NHLRC2: variants seen among roughly 807,000 people sequenced by gnomAD.
NHLRC2 encodes NHL repeat-containing protein 2.
In NHLRC2, 33 loss-of-function variants were observed where a neutral mutation model predicts 68.1. The observed-to-expected ratio is 0.48, with a 90% CI of 0.37 to 0.65. The LOEUF is 0.65. NHLRC2 is among the 30% of genes least tolerant of loss of function. The probability of loss-of-function intolerance (pLI) is 0.00; values close to 1 mark genes in which losing one functional copy is unlikely to be tolerated. For synonymous variants in NHLRC2, 311 were observed against 309.6 expected, an observed-to-expected ratio of 1.00 and a Z score of -0.05; for missense variants, 761 against 853.8, an observed-to-expected ratio of 0.89 and a Z score of 1.35.
At chr10:113,892,692 T>A (rs1846143454) in intron 5 of NHLRC2, among the ~76,000 whole-genome samples, 1 of 152,022 alleles carries the variant, frequency 6.6e-6, no homozygotes, top group Non-Finnish European at 1.5e-5. Flanking sequence ...AACAAACTCT[T>A]CAGTGCTCAG....
At chr10:113,903,434 A>G in intron 8 of NHLRC2, 93 bp from the exon 9 acceptor site, 3 of 763,602 alleles carry the variant, frequency 3.9e-6, no homozygotes, top group Non-Finnish European at 6.8e-6. Flanking sequence ...ATTAATGGCA[A>G]TCAGAAATTA....
chr10:113,895,003 AG>A (rs2134728488), intron 5 of NHLRC2, among the ~76,000 whole-genome samples: 1 of 152,346 alleles, frequency 6.6e-6, no homozygotes, highest in South Asian at 2.1e-4. Flanking sequence ...AAAATAGTGT[AG>A]TCATTATGTA....
chr10:113,900,936 A>G (rs916102898), intron 6 of NHLRC2, among the ~76,000 whole-genome samples: 7 of 152,094 alleles, frequency 4.6e-5, no homozygotes, highest in Non-Finnish European at 1.0e-4. Context: ...ACACACTACC[A>G]TGTCTTTTTT....
chr10:113,900,052 A>T lies in NHLRC2; in HGVS notation c.1140-1614A>T, dbSNP rs370979295. Among the ~76,000 whole-genome samples the T allele has an allele frequency of 5.3e-5, 8 of 152,126 alleles. No homozygotes were observed. In the South Asian group the frequency reaches 8.3e-4, roughly 16 times the overall value. On this transcript the variant is annotated intron_variant, in intron 6 of 10. Transcript: ENST00000369301. Reference sequence around the variant, plus strand: ...CCTGATAAGAGTATAGGAGTTAGGGAGAGTGGAAAGTTTTCCAGGCAAGAA... The same window carrying T: ...CCTGATAAGAGTATAGGAGTTAGGGTGAGTGGAAAGTTTTCCAGGCAAGAA...
chr10:113,870,384 G>C (rs1359850623), intron 2 of NHLRC2, among the ~76,000 whole-genome samples: 1 of 151,864 alleles, frequency 6.6e-6, no homozygotes, highest in Non-Finnish European at 1.5e-5. Context: ...TAAAACAAAA[G>C]GTGACATACT....
chr10:113,871,482 A>G (rs1221532428), intron 2 of NHLRC2, among the ~76,000 whole-genome samples: 1 of 152,094 alleles, frequency 6.6e-6, no homozygotes, highest in Non-Finnish European at 1.5e-5. Flanking sequence ...ACCTCAATTT[A>G]TTGTTAAACA....
intron 2 of NHLRC2, among the ~76,000 whole-genome samples, chr10:113,866,016 C>G (rs1233280767): frequency 6.6e-6 from 1 of 152,192 alleles, no homozygotes; most frequent in Non-Finnish European, 1.5e-5. Context: ...AAATGTTCTG[C>G]TCATTTTACC....
chr10:113,859,401 A>G (rs760889938), intron 2 of NHLRC2, among the ~76,000 whole-genome samples: 19 of 152,186 alleles, frequency 1.2e-4, no homozygotes, highest in Admixed American at 2.0e-4. Flanking sequence ...AGTGGATAAA[A>G]AAAAGAGATA....
chr10:113,870,987 A>G (rs1845918055), intron 2 of NHLRC2, among the ~76,000 whole-genome samples: 2 of 137,342 alleles, frequency 1.5e-5, no homozygotes, highest in Admixed American at 1.4e-4. Context: ...ACTGATTTCC[A>G]TGTGTTAATT....
At chr10:113,875,076 C>T (rs1845965592) in intron 2 of NHLRC2, among the ~76,000 whole-genome samples, 3 of 151,262 alleles carry the variant, frequency 2.0e-5, no homozygotes, top group Non-Finnish European at 2.9e-5. Context: ...TGATAACTGA[C>T]CATATTTCCT....
chr10:113,891,440 A>C (rs1468714841), intron 5 of NHLRC2, among the ~76,000 whole-genome samples: 1 of 152,178 alleles, frequency 6.6e-6, no homozygotes, highest in Non-Finnish European at 1.5e-5. Context: ...TCTTGTATAA[A>C]ACAATAGAGG....
Position 113,854,809 on chromosome 10 carries a change from T to C in NHLRC2, c.-64T>C, listed in dbSNP as rs184399341. 1.4e-6 allele frequency: 2 copies of C among 1,405,514 alleles called. No individual in the cohort carries two copies. The highest frequency in any genetic ancestry group is 4.8e-5 in the Admixed American group (2 of 41,382). The allele number at this position is 1,405,514 out of a possible 1,614,324, so 87.1% of individuals were successfully genotyped here. A position where few individuals can be genotyped will look rare whatever the true frequency, so the allele number is the denominator to read the frequency against. On this transcript the variant is annotated 5_prime_UTR_variant, in exon 1 of 11. Transcript: ENST00000369301. The stretch of plus-strand genomic sequence containing the variant: ...TTTGGAAACCACAGGACAGTGAACG[T>C]TTCGTCTCTCCCAGCGAGACTCTCC...
In NHLRC2 at chr10:113,854,826, A is replaced by T; in HGVS notation, c.-47A>T. The T allele has an allele frequency of 6.7e-7, 1 of 1,503,352 alleles. No individual in the cohort carries two copies. Among genetic ancestry groups the T allele is most frequent in the South Asian group, 1.3e-5 (1 of 78,190 alleles). 93.1% of individuals were successfully genotyped at this position (1,503,352 alleles called of 1,614,324 possible). A position where few individuals can be genotyped will look rare whatever the true frequency, so the allele number is the denominator to read the frequency against. ...AGTGAACGTTTCGTCTCTCCCAGCGAGACTCTCCCGCGGGCCCGGCGGCCG... is the reference window on the plus strand; with the variant it reads ...AGTGAACGTTTCGTCTCTCCCAGCGTGACTCTCCCGCGGGCCCGGCGGCCG... On this transcript the variant is annotated 5_prime_UTR_variant, in exon 1 of 11. Transcript: ENST00000369301.
Position 113,898,126 on chromosome 10 carries a change from A to T in NHLRC2, c.1056A>T (p.Arg352Ser), listed in dbSNP as rs746006326. The T allele has an allele frequency of 6.2e-7, 1 of 1,610,240 alleles. No homozygotes were observed. Among genetic ancestry groups the T allele is most frequent in the Non-Finnish European group, 8.5e-7 (1 of 1,176,696 alleles). Residue 352 changes from arginine to serine, a missense_variant, in exon 6 of 11, where the codon AGA (arginine) becomes AGT (serine). Transcript: ENST00000369301. ...VFGTSGSEVQ[R>S]GDILWIAMAG... The stretch of plus-strand genomic sequence containing the variant: ...TTTATAAAGGTTCAGAGGTCCAAAG[A>T]GGTGACATTTTATGGATAGCCATGG...
chr10:113,870,270 C>G (rs1034245225), intron 2 of NHLRC2, among the ~76,000 whole-genome samples: 1 of 152,128 alleles, frequency 6.6e-6, no homozygotes, highest in Non-Finnish European at 1.5e-5. Context: ...ACAACATGGT[C>G]TTCAAAGTGA....
chr10:113,864,381 T>C (rs1022121081), intron 2 of NHLRC2, among the ~76,000 whole-genome samples: 2 of 152,086 alleles, frequency 1.3e-5, no homozygotes, highest in African/African-American at 4.8e-5. Flanking sequence ...GTTAAAATAG[T>C]AAATCTTATG....
intron 3 of NHLRC2, 128 bp from the exon 4 acceptor site, chr10:113,879,446 A>G (rs1400398463): frequency 9.1e-6 from 7 of 769,154 alleles, no homozygotes; most frequent in Middle Eastern, 3.7e-4. Flanking sequence ...CTTGGGGAAC[A>G]TTTTAGTTTT....
chr10:113,867,654 C>T (rs1484684521), intron 2 of NHLRC2, among the ~76,000 whole-genome samples: 1 of 152,208 alleles, frequency 6.6e-6, no homozygotes, highest in African/African-American at 2.4e-5. Context: ...ACAGTGTTCC[C>T]TCTGCCTGGA....
Position 113,913,514 on chromosome 10 carries a change from G to GT in NHLRC2, c.*4980dup, listed in dbSNP as rs1351360421. The stretch of plus-strand genomic sequence containing the variant: ...TGTATTAAAAAAATAGCTTTCCAGT[G>GT]TTAGTTCTCAACAGTGCTGTTTCAA... On this transcript the variant is annotated 3_prime_UTR_variant, in exon 11 of 11. Transcript: ENST00000369301. 7 of 152,128 alleles carry GT rather than the reference G, an allele frequency of 4.6e-5. No individual in the cohort carries two copies. The highest frequency in any genetic ancestry group is 2.0e-4 in the Admixed American group (3 of 15,276). The allele number at this position is 152,128 out of a possible 1,614,324, so 9.4% of individuals were successfully genotyped here. A position where few individuals can be genotyped will look rare whatever the true frequency, so the allele number is the denominator to read the frequency against.
Sources: gnomAD v4.1 joint callset for allele counts (sites outside exome capture counted in the v4.1 genomes callset) on GRCh38, gnomAD v4.1.1 for gene constraint, MANE v1.5 for transcripts, NCBI Gene and HGNC (gene_info 2026-07-23, HGNC 2026-07-21) for gene names.